PTPRN2: variants seen among roughly 807,000 people sequenced by gnomAD.
PTPRN2 encodes the protein protein tyrosine phosphatase receptor type N2, also known as receptor-type tyrosine-protein phosphatase N2.
In PTPRN2, 74 loss-of-function variants were observed where a neutral mutation model predicts 118.8. The ratio of observed to expected loss-of-function variants is 0.62; its 90% CI spans 0.52 to 0.76. The LOEUF is 0.76. PTPRN2 is among the 30% of genes least tolerant of loss of function. The pLI, the probability that PTPRN2 is intolerant of heterozygous loss-of-function variation, is 0.00. For missense variants in PTPRN2, 1,481 were observed against 1,394.4 expected, an observed-to-expected ratio of 1.06 and a Z score of -0.99; for synonymous variants, 641 against 608.0, an observed-to-expected ratio of 1.05 and a Z score of -0.80.
At position 158,376,613 on chromosome 7, in the gene PTPRN2, A is replaced by T. The variant is rs539239902; in HGVS notation, c.164-59681T>A. On this transcript the variant is annotated intron_variant, in intron 2 of 22. Coordinates refer to ENST00000389418, the MANE Select transcript of PTPRN2 (RefSeq NM_002847.5). The stretch of plus-strand genomic sequence containing the variant: ...CCACAGCCCTGTCACACGTCCTGAG[A>T]GGGGGGTCAGGGGACTCCCCCACAG... 2.0e-3 allele frequency among the ~76,000 whole-genome samples: 121 copies of T among 60,790 alleles called. 1 individual carries two copies. The highest frequency in any genetic ancestry group is 7.5e-3 in the African/African-American group (99 of 13,114). The allele number at this position is 60,790 out of a possible 152,430, so 39.9% of individuals were successfully genotyped here. A position where few individuals can be genotyped will look rare whatever the true frequency, so the allele number is the denominator to read the frequency against.
intron 4 of PTPRN2, 146 bp from the exon 5 acceptor site, chr7:158,192,641 G>T: frequency 2.2e-6 from 2 of 914,340 alleles, no homozygotes; most frequent in Non-Finnish European, 3.2e-6. Context: ...ATGACCATGG[G>T]TTTGAACTTC....
intron 6 of PTPRN2, among the ~76,000 whole-genome samples, chr7:158,158,309 G>C (rs1216636618): frequency 6.6e-6 from 1 of 152,250 alleles, no homozygotes; most frequent in Non-Finnish European, 1.5e-5. Flanking sequence ...GCCCTCCTGA[G>C]ACTGGGCTGC....
intron 3 of PTPRN2, among the ~76,000 whole-genome samples, chr7:158,296,042 C>G (rs1391952538): frequency 1.3e-5 from 2 of 152,154 alleles, no homozygotes; most frequent in Admixed American, 6.5e-5. Flanking sequence ...TGGAGAAGGG[C>G]GGGTCTCTGG....
chr7:158,393,388 G>A (rs868819431), intron 2 of PTPRN2, among the ~76,000 whole-genome samples: 9 of 152,302 alleles, frequency 5.9e-5, no homozygotes, highest in Middle Eastern at 3.4e-3. Context: ...GGGGCACGTC[G>A]GAGGGACTTC....
intron 12 of PTPRN2, among the ~76,000 whole-genome samples, chr7:157,826,996 G>T (rs962723443): frequency 6.6e-6 from 1 of 152,058 alleles, no homozygotes; most frequent in Non-Finnish European, 1.5e-5. Context: ...CTGCATCTCC[G>T]ACCGTGTCCC....
At position 158,361,462 on chromosome 7, in the gene PTPRN2, C is replaced by T. The variant is rs950043954; in HGVS notation, c.164-44530G>A. On this transcript the variant is annotated intron_variant, in intron 2 of 22. Transcript: ENST00000389418. ...CCCATCACAGCTGGCTGGAGAAGGA[C>T]GCTGTGAAAACCTCTTTTGCTCTTT... Among the ~76,000 whole-genome samples the T allele has an allele frequency of 1.4e-4, 22 of 152,338 alleles. 1 individual carries two copies. The highest frequency in any genetic ancestry group is 9.1e-4 in the Admixed American group (14 of 15,306).
At chr7:157,756,390 G>A (rs1019456772) in intron 12 of PTPRN2, among the ~76,000 whole-genome samples, 2 of 151,928 alleles carry the variant, frequency 1.3e-5, no homozygotes, top group African/African-American at 4.8e-5. Flanking sequence ...TGCCTCTCAG[G>A]TTGAAGTGAT....
chr7:158,428,899 G>C (rs1815959672), intron 2 of PTPRN2, among the ~76,000 whole-genome samples: 1 of 152,188 alleles, frequency 6.6e-6, no homozygotes, highest in African/African-American at 2.4e-5. Context: ...GATCGTCCTG[G>C]GGGCATCCCA....
At chr7:157,901,810 G>A (rs1452773308) in intron 11 of PTPRN2, among the ~76,000 whole-genome samples, 2 of 106,234 alleles carry the variant, frequency 1.9e-5, no homozygotes, top group Non-Finnish European at 3.9e-5. Flanking sequence ...GTCCTGAGGC[G>A]GGGCCTCCCC....
At chr7:158,096,937 A>G (rs1408229314) in intron 10 of PTPRN2, among the ~76,000 whole-genome samples, 1 of 152,218 alleles carries the variant, frequency 6.6e-6, no homozygotes, top group African/African-American at 2.4e-5. Flanking sequence ...AACGCACAGC[A>G]CTGTCGCTGC....
chr7:157,969,207 T>C (rs919242783), intron 11 of PTPRN2, among the ~76,000 whole-genome samples: 1 of 152,034 alleles, frequency 6.6e-6, no homozygotes, highest in Non-Finnish European at 1.5e-5. Context: ...CTTCCCAGGC[T>C]AAAGCGATCT....
intron 9 of PTPRN2, among the ~76,000 whole-genome samples, chr7:158,127,443 G>A (rs1019180593): frequency 6.6e-6 from 1 of 152,058 alleles, no homozygotes; most frequent in Non-Finnish European, 1.5e-5. Flanking sequence ...GGAAACCCAA[G>A]CACAGGGGCG....
chr7:158,320,435 A>C (rs1802905402), intron 2 of PTPRN2, among the ~76,000 whole-genome samples: 1 of 149,928 alleles, frequency 6.7e-6, no homozygotes, highest in Non-Finnish European at 1.5e-5. Flanking sequence ...TCCTCACCAC[A>C]GTGACAATCA....
intron 3 of PTPRN2, among the ~76,000 whole-genome samples, chr7:158,273,321 G>A (rs955215381): frequency 6.6e-6 from 1 of 151,298 alleles, no homozygotes; most frequent in South Asian, 2.1e-4. Context: ...CTCCTTGCCT[G>A]CTGGGGAGGC....
At chr7:157,578,574 C>T (rs761858176) in intron 17 of PTPRN2, among the ~76,000 whole-genome samples, 4 of 152,312 alleles carry the variant, frequency 2.6e-5, no homozygotes, top group Non-Finnish European at 5.9e-5. Flanking sequence ...AAGCAGCCTC[C>T]GAAAGGCTTC....
chr7:158,111,388 G>A (rs555884793), intron 9 of PTPRN2, among the ~76,000 whole-genome samples: 1 of 152,192 alleles, frequency 6.6e-6, no homozygotes, highest in Non-Finnish European at 1.5e-5. Context: ...TCAGGGCAGG[G>A]GGCGGGGGCA....
chr7:158,061,008 A>G (rs1810286043), intron 11 of PTPRN2, among the ~76,000 whole-genome samples: 1 of 152,246 alleles, frequency 6.6e-6, no homozygotes. Context: ...CTTAAATCAG[A>G]CTGACCTTCC....
intron 14 of PTPRN2, among the ~76,000 whole-genome samples, chr7:157,624,838 C>T (rs955947091): frequency 1.1e-4 from 16 of 151,982 alleles, no homozygotes; most frequent in Admixed American, 5.9e-4. Flanking sequence ...GGGCATTTAG[C>T]TATAGGTGTT....
At chr7:157,710,671 A>G (rs1037583332) in intron 12 of PTPRN2, among the ~76,000 whole-genome samples, 1 of 152,148 alleles carries the variant, frequency 6.6e-6, no homozygotes, top group Non-Finnish European at 1.5e-5. Context: ...GGTCCCTTTC[A>G]GCCCTGCCAT....
Sources: gnomAD v4.1 joint callset for allele counts (sites outside exome capture counted in the v4.1 genomes callset) on GRCh38, gnomAD v4.1.1 for gene constraint, MANE v1.5 for transcripts, NCBI Gene and HGNC (gene_info 2026-07-23, HGNC 2026-07-21) for gene names.